TNR: variants seen among roughly 807,000 people sequenced by gnomAD.
TNR encodes the protein tenascin R, also known as tenascin-R.
TNR carries 45 observed loss-of-function variants against 150.4 expected under a neutral mutation model. The observed-to-expected ratio is 0.30, with a 90% CI of 0.24 to 0.38. The LOEUF is 0.38. Ranked by LOEUF, TNR falls within the 10% of genes least tolerant of loss-of-function variation. The pLI, the probability that TNR is intolerant of heterozygous loss-of-function variation, is 1.00. For synonymous variants in TNR, 687 were observed against 678.4 expected (o/e 1.01, Z -0.20); for missense variants, 1,544 against 1,759.1 (o/e 0.88, Z 2.19).
At chr1:175,703,821 C>T (rs1666769816) in intron 1 of TNR, among the ~76,000 whole-genome samples, 1 of 152,290 alleles carries the variant, frequency 6.6e-6, no homozygotes, top group Admixed American at 6.5e-5. Context: ...GATAAAATGG[C>T]ACAGCGTATA....
chr1:175,694,845 C>T (rs1306870034), intron 1 of TNR, among the ~76,000 whole-genome samples: 1 of 152,106 alleles, frequency 6.6e-6, no homozygotes, highest in Non-Finnish European at 1.5e-5. Context: ...AGAAACCAAC[C>T]CTGCTGACAC....
intron 1 of TNR, among the ~76,000 whole-genome samples, chr1:175,718,452 A>T (rs1433627302): frequency 6.6e-6 from 1 of 152,192 alleles, no homozygotes; most frequent in African/African-American, 2.4e-5. Flanking sequence ...GGAGCTGGAG[A>T]CCTGGGTAGG....
At chr1:175,678,525 G>A (rs1665933759) in intron 1 of TNR, among the ~76,000 whole-genome samples, 2 of 152,172 alleles carry the variant, frequency 1.3e-5, no homozygotes, top group Non-Finnish European at 2.9e-5. Flanking sequence ...AAGACACAGT[G>A]CTGAGATAAT....
intron 1 of TNR, among the ~76,000 whole-genome samples, chr1:175,617,190 C>T (rs948900818): frequency 1.3e-5 from 2 of 152,186 alleles, no homozygotes; most frequent in African/African-American, 4.8e-5. Flanking sequence ...GCCATATTCG[C>T]TGAGAGTTTT....
At chr1:175,734,154 G>A (rs6658505) in intron 1 of TNR, among the ~76,000 whole-genome samples, 46,527 of 152,046 alleles carry the variant, frequency 0.31, 7,524 homozygotes, top group African/African-American at 0.42. Context: ...TGGGGAGAAT[G>A]TATGTCAACA....
rs1239308693 is a variant in TNR, at chr1:175,331,019, T to TTCTTTCTTTC, written c.3632-794_3632-785dup. On this transcript the variant is annotated intron_variant, in intron 20 of 22. Transcript: ENST00000367674. ...GGTGATTCTTTCTTTCTTTCTTTCT[T>TTCTTTCTTTC]TCTTTCTTTCTTTCTTTCTTTCTTT... Among the ~76,000 whole-genome samples, 99 of 62,010 alleles carry TTCTTTCTTTC rather than the reference T, an allele frequency of 1.6e-3. 1 individual carries two copies. The highest frequency in any genetic ancestry group is 3.7e-3 in the Admixed American group (18 of 4,850). The allele number at this position is 62,010 out of a possible 152,430, so 40.7% of individuals were successfully genotyped here. A position where few individuals can be genotyped will look rare whatever the true frequency, so the allele number is the denominator to read the frequency against.
At chr1:175,422,315 G>T (rs572679133) in intron 2 of TNR, among the ~76,000 whole-genome samples, 1 of 149,218 alleles carries the variant, frequency 6.7e-6, no homozygotes, top group South Asian at 2.2e-4. Flanking sequence ...CTATAATCTA[G>T]TTATCTTTTA....
intron 2 of TNR, among the ~76,000 whole-genome samples, chr1:175,440,749 A>G (rs1655746909): frequency 6.6e-6 from 1 of 152,156 alleles, no homozygotes; most frequent in Non-Finnish European, 1.5e-5. Flanking sequence ...AAGATCTGTT[A>G]GTCCTATTAG....
chr1:175,703,265 A>C (rs2101928746), intron 1 of TNR, among the ~76,000 whole-genome samples: 1 of 152,356 alleles, frequency 6.6e-6, no homozygotes, highest in Middle Eastern at 3.4e-3. Flanking sequence ...TTATAGATCA[A>C]TTTACTGTAA....
chr1:175,702,276 C>A (rs997917918), intron 1 of TNR, among the ~76,000 whole-genome samples: 1 of 152,322 alleles, frequency 6.6e-6, no homozygotes, highest in Middle Eastern at 3.4e-3. Context: ...GGCAGCTTCT[C>A]AGCTCTGCCC....
intron 4 of TNR, among the ~76,000 whole-genome samples, chr1:175,397,354 T>A (rs190590261): frequency 1.1e-4 from 17 of 152,318 alleles, no homozygotes; most frequent in African/African-American, 4.1e-4. Flanking sequence ...AGTATTTACA[T>A]CATGGAAACT....
chr1:175,595,326 C>G (rs7529012), intron 1 of TNR, among the ~76,000 whole-genome samples: 1,565 of 152,302 alleles, frequency 0.01, 24 homozygotes, highest in African/African-American at 0.036. Context: ...AGACCAACTC[C>G]TTTCTTTTCC....
chr1:175,335,518 G>A, intron 20 of TNR, 193 bp downstream of exon 20: 1 of 546,166 alleles, frequency 1.8e-6, no homozygotes, highest in Non-Finnish European at 3.2e-6. Context: ...GAGAAAAGAG[G>A]GAAACACCAC....
intron 2 of TNR, among the ~76,000 whole-genome samples, chr1:175,434,490 G>A (rs1374131015): frequency 6.6e-6 from 1 of 152,052 alleles, no homozygotes; most frequent in Non-Finnish European, 1.5e-5. Flanking sequence ...TGACCTTCCC[G>A]CCATTTGCCC....
intron 1 of TNR, among the ~76,000 whole-genome samples, chr1:175,600,831 A>C (rs759560448): frequency 2.6e-5 from 4 of 152,228 alleles, no homozygotes; most frequent in African/African-American, 4.8e-5. Context: ...AAAAGCAAAA[A>C]ACAGAAAACA....
chr1:175,390,267 G>C (rs962634612), intron 7 of TNR, among the ~76,000 whole-genome samples: 6 of 152,172 alleles, frequency 3.9e-5, no homozygotes, highest in Non-Finnish European at 8.8e-5. Context: ...CTCATCTCTG[G>C]TCAACTCAGC....
intron 2 of TNR, among the ~76,000 whole-genome samples, chr1:175,455,185 GC>G (rs1358952674): frequency 6.6e-6 from 1 of 152,144 alleles, no homozygotes; most frequent in Non-Finnish European, 1.5e-5. Context: ...GTCCCCAAGA[GC>G]CCGAGCCTCC....
At chr1:175,742,832 G>A (rs184406343) in intron 1 of TNR, among the ~76,000 whole-genome samples, 1 of 152,196 alleles carries the variant, frequency 6.6e-6, no homozygotes, top group African/African-American at 2.4e-5. Flanking sequence ...TGTCGGGAGA[G>A]AGTTAAAGAA....
chr1:175,725,961 G>A (rs917534277), intron 1 of TNR, among the ~76,000 whole-genome samples: 3 of 152,200 alleles, frequency 2.0e-5, no homozygotes, highest in African/African-American at 7.2e-5. Flanking sequence ...GGAATGATGG[G>A]AGGAAGCATT....
Sources: gnomAD v4.1 joint callset for allele counts (sites outside exome capture counted in the v4.1 genomes callset) on GRCh38, gnomAD v4.1.1 for gene constraint, MANE v1.5 for transcripts, NCBI Gene and HGNC (gene_info 2026-07-23, HGNC 2026-07-21) for gene names.